HEMK2: variants seen among roughly 807,000 people sequenced by gnomAD.
The protein encoded by HEMK2 is methyltransferase HEMK2.
At chr21:28,795,264 T>C in the HEMK2 span, among the ~76,000 whole-genome samples, 5,038 of 152,296 alleles carry the variant, frequency 0.033, 188 homozygotes, top group East Asian at 0.14. Context: ...TCTTTCTTAA[T>C]AGATGAGAAA....
chr21:28,790,652 A>G, the HEMK2 span, among the ~76,000 whole-genome samples: 1 of 152,254 alleles, frequency 6.6e-6, no homozygotes, highest in African/African-American at 2.4e-5. Context: ...ATACTTCTGT[A>G]GCTTCCCTCT....
chr21:28,815,090 T>G, the HEMK2 span, among the ~76,000 whole-genome samples: 1 of 151,942 alleles, frequency 6.6e-6, no homozygotes, highest in Non-Finnish European at 1.5e-5. Context: ...GGGACATGGA[T>G]GAAGCTGGAA....
At chr21:28,675,352 T>C in the HEMK2 span, among the ~76,000 whole-genome samples, 16 of 152,256 alleles carry the variant, frequency 1.1e-4, no homozygotes, top group Admixed American at 1.0e-3. Context: ...TCACAAATTA[T>C]GTCAGGCAGA....
chr21:28,713,581 T>G, the HEMK2 span, among the ~76,000 whole-genome samples: 2 of 152,190 alleles, frequency 1.3e-5, no homozygotes, highest in African/African-American at 4.8e-5. Flanking sequence ...CCTCCTTCTT[T>G]ACTCATTTAA....
At chr21:28,824,473 TTTACAG>T in the HEMK2 span, among the ~76,000 whole-genome samples, 1 of 152,352 alleles carries the variant, frequency 6.6e-6, no homozygotes, top group Middle Eastern at 3.4e-3. Context: ...AGAAACAGTT[TTTACAG>T]ATAGCACATA....
chr21:28,685,362 A>G, the HEMK2 span, among the ~76,000 whole-genome samples: 1 of 152,176 alleles, frequency 6.6e-6, no homozygotes, highest in Non-Finnish European at 1.5e-5. Context: ...CCAGTATACC[A>G]GAAAGGACAG....
At chr21:28,671,231 T>C in the HEMK2 span, 1 of 152,306 alleles carries the variant, frequency 6.6e-6, no homozygotes, top group African/African-American at 2.4e-5. Context: ...ACCAAACAAA[T>C]GTGGAAACTT....
chr21:28,728,120 CT>C, the HEMK2 span, among the ~76,000 whole-genome samples: 2 of 152,304 alleles, frequency 1.3e-5, no homozygotes, highest in Middle Eastern at 3.4e-3. Context: ...GTCTTAAACT[CT>C]AAGTTTGTGG....
the HEMK2 span, among the ~76,000 whole-genome samples, chr21:28,820,328 G>C: frequency 6.6e-6 from 1 of 152,080 alleles, no homozygotes; most frequent in Non-Finnish European, 1.5e-5. Flanking sequence ...CCTAAAGTCT[G>C]GACCTACCAA....
chr21:28,620,879 G>A, the HEMK2 span, among the ~76,000 whole-genome samples: 1 of 151,402 alleles, frequency 6.6e-6, no homozygotes, highest in Non-Finnish European at 1.5e-5. Flanking sequence ...TCACCATGTT[G>A]GCCAGGATAG....
chr21:28,839,914 G>T, the HEMK2 span, among the ~76,000 whole-genome samples: 9 of 152,086 alleles, frequency 5.9e-5, no homozygotes, highest in African/African-American at 1.9e-4. Flanking sequence ...GCCAAAGCAA[G>T]ACCAAGCAAA....
At chr21:28,814,120 C>T in the HEMK2 span, among the ~76,000 whole-genome samples, 20 of 151,974 alleles carry the variant, frequency 1.3e-4, no homozygotes, top group Non-Finnish European at 2.2e-4. Context: ...GCCTGTAGTC[C>T]CAGCTACTTG....
At chr21:28,766,911 G>A in the HEMK2 span, among the ~76,000 whole-genome samples, 3 of 152,088 alleles carry the variant, frequency 2.0e-5, 1 homozygote, top group African/African-American at 7.2e-5. Context: ...TACACTGCTT[G>A]GGCAATGGGT....
the HEMK2 span, among the ~76,000 whole-genome samples, chr21:28,800,489 A>T: frequency 6.6e-6 from 1 of 152,166 alleles, no homozygotes; most frequent in Non-Finnish European, 1.5e-5. Flanking sequence ...TAAAAGTGTA[A>T]CTGTAAATGC....
the HEMK2 span, among the ~76,000 whole-genome samples, chr21:28,837,244 T>G: frequency 6.6e-6 from 1 of 152,196 alleles, no homozygotes; most frequent in African/African-American, 2.4e-5. Context: ...AGAATACACA[T>G]TCTATTCAAC....
At chr21:28,747,886 C>T in the HEMK2 span, among the ~76,000 whole-genome samples, 1 of 152,298 alleles carries the variant, frequency 6.6e-6, no homozygotes, top group East Asian at 1.9e-4. Context: ...TTAAAAGGAA[C>T]ATAACCAGAG....
the HEMK2 span, among the ~76,000 whole-genome samples, chr21:28,788,713 A>G: frequency 6.6e-6 from 1 of 152,024 alleles, no homozygotes; most frequent in Non-Finnish European, 1.5e-5. Context: ...TCCAAAAAAA[A>G]AAAAAAAGAA....
At chr21:28,859,225 C>G in the HEMK2 span, among the ~76,000 whole-genome samples, 1 of 152,176 alleles carries the variant, frequency 6.6e-6, no homozygotes, top group Admixed American at 6.5e-5. Flanking sequence ...ACTCTAGTCT[C>G]AAAACTGTAT....
At chr21:28,767,577 T>A in the HEMK2 span, among the ~76,000 whole-genome samples, 2 of 152,214 alleles carry the variant, frequency 1.3e-5, no homozygotes, top group Admixed American at 1.3e-4. Flanking sequence ...TTATGCTAAC[T>A]GGCATAATAC....
Sources: allele counts gnomAD v4.1 joint callset (sites outside exome capture counted in the v4.1 genomes callset), GRCh38; gene constraint gnomAD v4.1.1; transcripts MANE v1.5; gene names NCBI Gene and HGNC (gene_info 2026-07-23, HGNC 2026-07-21).